The following PLCB4 variants were observed in gnomAD, a reference collection of about 807,000 sequenced individuals.
PLCB4 encodes the protein phospholipase C beta 4, also known as 1-phosphatidylinositol 4,5-bisphosphate phosphodiesterase beta-4.
PLCB4 carries 77 observed loss-of-function variants against 178.8 expected under a neutral mutation model. That is an observed-to-expected ratio of 0.43 (90% CI 0.36 to 0.52). The LOEUF (loss-of-function observed/expected upper bound fraction) is 0.52, where lower values mean the gene tolerates loss of function less well. PLCB4 is among the 20% of genes least tolerant of loss of function. The probability of loss-of-function intolerance (pLI) is 0.00; values close to 1 mark genes in which losing one functional copy is unlikely to be tolerated. For missense variants in PLCB4, 1,024 were observed against 1,453.4 expected (o/e 0.70, Z 4.80); for synonymous variants, 496 against 490.8 (o/e 1.01, Z -0.14).
chr20:9,108,060 G>T, intron 2 of PLCB4, among the ~76,000 whole-genome samples: 1 of 152,162 alleles, frequency 6.6e-6, no homozygotes, highest in Non-Finnish European at 1.5e-5. Flanking sequence ...AGTGCTATTT[G>T]CTAGAATGGG....
chr20:9,183,069 G>A (rs2093273002), intron 2 of PLCB4, among the ~76,000 whole-genome samples: 1 of 152,074 alleles, frequency 6.6e-6, no homozygotes, highest in African/African-American at 2.4e-5. Context: ...TTAAACTACA[G>A]GGAGAGCACC....
chr20:9,112,374 C>T (rs2091612897), intron 2 of PLCB4, among the ~76,000 whole-genome samples: 1 of 151,896 alleles, frequency 6.6e-6, no homozygotes, highest in East Asian at 1.9e-4. Context: ...CCTGCCTCAG[C>T]CTCCCAAGTA....
At chr20:9,169,932 T>C (rs921387751) in intron 2 of PLCB4, among the ~76,000 whole-genome samples, 1 of 152,224 alleles carries the variant, frequency 6.6e-6, no homozygotes, top group Admixed American at 6.5e-5. Flanking sequence ...CAGGCATAGT[T>C]TGTATATTCC....
chr20:9,094,957 G>T (rs2090843194), intron 1 of PLCB4, among the ~76,000 whole-genome samples: 1 of 152,190 alleles, frequency 6.6e-6, no homozygotes. Context: ...TATTGGCAGT[G>T]AAGGGGACCA....
intron 7 of PLCB4, among the ~76,000 whole-genome samples, chr20:9,353,405 A>T (rs1311526329): frequency 6.6e-6 from 1 of 152,214 alleles, no homozygotes; most frequent in Non-Finnish European, 1.5e-5. Flanking sequence ...TGTGACACTA[A>T]CACTTAGTAC....
At chr20:9,314,577 T>A (rs950248594) in intron 4 of PLCB4, among the ~76,000 whole-genome samples, 2 of 152,166 alleles carry the variant, frequency 1.3e-5, no homozygotes, top group African/African-American at 4.8e-5. Context: ...TGTTTCTTTC[T>A]GAAATGACGA....
At chr20:9,156,519 C>T (rs1211571401) in intron 2 of PLCB4, among the ~76,000 whole-genome samples, 5 of 152,060 alleles carry the variant, frequency 3.3e-5, no homozygotes, top group South Asian at 2.1e-4. Flanking sequence ...GACTAACTGC[C>T]TCTGTAGGTG....
At chr20:9,201,807 A>G (rs2093550589) in intron 2 of PLCB4, among the ~76,000 whole-genome samples, 1 of 152,326 alleles carries the variant, frequency 6.6e-6, no homozygotes, top group South Asian at 2.1e-4. Context: ...TGGTGCCACC[A>G]CTTTGAAAGA....
At chr20:9,118,749 C>T (rs565013288) in intron 2 of PLCB4, among the ~76,000 whole-genome samples, 9 of 152,186 alleles carry the variant, frequency 5.9e-5, no homozygotes, top group Non-Finnish European at 2.9e-5. Flanking sequence ...TTTTATTTAG[C>T]ATGTGTAAGT....
At chr20:9,422,021 G>A (rs566916826) in intron 27 of PLCB4, among the ~76,000 whole-genome samples, 1 of 152,270 alleles carries the variant, frequency 6.6e-6, no homozygotes, top group Non-Finnish European at 1.5e-5. Flanking sequence ...CTAACGTTCG[G>A]TTGTTAATCT....
chr20:9,073,817 G>C (rs1358089052), intron 1 of PLCB4, among the ~76,000 whole-genome samples: 1 of 152,112 alleles, frequency 6.6e-6, no homozygotes, highest in African/African-American at 2.4e-5. Context: ...AAGCCCAAGA[G>C]TTCAAGGTTA....
At chr20:9,156,846 TCCCTC>T (rs2092799426) in intron 2 of PLCB4, among the ~76,000 whole-genome samples, 2 of 46,804 alleles carry the variant, frequency 4.3e-5, no homozygotes, top group African/African-American at 1.6e-4. Flanking sequence ...CCTCCCTCCC[TCCCTC>T]CCTTCCTTCC....
intron 13 of PLCB4, among the ~76,000 whole-genome samples, chr20:9,382,653 A>G (rs2037244931): frequency 6.6e-6 from 1 of 152,164 alleles, no homozygotes; most frequent in Non-Finnish European, 1.5e-5. Context: ...CTCCTCACAC[A>G]TGTACGTGAC....
chr20:9,280,836 A>G (rs1294509831), intron 3 of PLCB4, among the ~76,000 whole-genome samples: 1 of 151,788 alleles, frequency 6.6e-6, no homozygotes, highest in Non-Finnish European at 1.5e-5. Flanking sequence ...GTGGTTCTGT[A>G]TGCCGAACAT....
intron 10 of PLCB4, 22 bp downstream of exon 10, chr20:9,371,317 T>C (rs1465564089): frequency 7.6e-7 from 1 of 1,317,850 alleles, no homozygotes; most frequent in Non-Finnish European, 1.1e-6. Context: ...CTTAATAATG[T>C]ATTTCTAAAA....
Position 9,464,801 on chromosome 20 carries a change from A to G in PLCB4, c.3249-3770A>G, listed in dbSNP as rs531773217. On this transcript the variant is annotated intron_variant, in intron 35 of 39. Coordinates refer to ENST00000378473, the MANE Select transcript of PLCB4 (RefSeq NM_001377142.1). ...TGAGGCAATAATTAATAGCCTACCA[A>G]TCAAAAAAAGTCCAGGACCAGACAG... is the stretch of plus-strand genomic sequence containing the variant. Among the ~76,000 whole-genome samples the G allele has an allele frequency of 2.0e-5, 3 of 152,270 alleles. No homozygotes were observed. In the South Asian group the frequency reaches 6.2e-4, roughly 32 times the overall value.
intron 7 of PLCB4, among the ~76,000 whole-genome samples, chr20:9,351,627 G>A (rs2034354557): frequency 6.6e-6 from 1 of 152,034 alleles, no homozygotes; most frequent in Non-Finnish European, 1.5e-5. Context: ...AGAGAACCAG[G>A]TAATGAAACT....
intron 1 of PLCB4, among the ~76,000 whole-genome samples, chr20:9,074,893 A>G (rs1345797977): frequency 6.7e-6 from 1 of 150,290 alleles, no homozygotes; most frequent in Non-Finnish European, 1.5e-5. Context: ...GGCCTCCACT[A>G]GAAGAATTAG....
rs2093732617 is a variant in PLCB4, at chr20:9,216,393, A to G, written c.-78-997A>G. ...CCACCATGCCCGGCTAATTTTTTGTATTTTTAGTAGAGACGGGGTTTCACC... is the reference window on the plus strand; with the variant it reads ...CCACCATGCCCGGCTAATTTTTTGTGTTTTTAGTAGAGACGGGGTTTCACC... On this transcript the variant is annotated intron_variant, in intron 2 of 39. Transcript: ENST00000378473. Among the ~76,000 whole-genome samples the G allele has an allele frequency of 2.0e-5, 3 of 151,238 alleles. No individual in the cohort carries two copies. In the South Asian group the frequency reaches 6.3e-4, roughly 32 times the overall value.
Sources: gnomAD v4.1 joint callset for allele counts (sites outside exome capture counted in the v4.1 genomes callset) on GRCh38, gnomAD v4.1.1 for gene constraint, MANE v1.5 for transcripts, NCBI Gene and HGNC (gene_info 2026-07-23, HGNC 2026-07-21) for gene names.